NPR3: variants seen among roughly 807,000 people sequenced by gnomAD.
NPR3 encodes the protein natriuretic peptide receptor 3.
NPR3 carries 34 observed loss-of-function variants against 54.5 expected under a neutral mutation model. That is an observed-to-expected ratio of 0.62 (90% CI 0.47 to 0.83). The LOEUF (loss-of-function observed/expected upper bound fraction) is 0.83, where lower values mean the gene tolerates loss of function less well. Among genes scored for constraint, NPR3 ranks in the 40% least tolerant of loss-of-function variants. NPR3 has a pLI of 0.00. For synonymous variants in NPR3, 289 were observed against 297.1 expected (o/e 0.97, Z 0.28); for missense variants, 674 against 720.8 (o/e 0.94, Z 0.74).
At chr5:32,784,986 A>T (rs184352288) in intron 7 of NPR3, 103 bp downstream of exon 7, 109 of 954,560 alleles carry the variant, frequency 1.1e-4, no homozygotes, top group Non-Finnish European at 1.6e-4. Flanking sequence ...TCTTTCACCC[A>T]GGAAGCACGG....
rs775757267 is a variant in NPR3 at position 32,782,976 on chromosome 5, A to G, written c.1374A>G (p.Arg458=). 5 of 1,608,716 alleles carry G rather than the reference A, an allele frequency of 3.1e-6. No individual in the cohort carries two copies. The South Asian group carries it at 4.4e-5, about 14-fold the overall frequency. The change falls in exon 6 of 8, where the codon AGA becomes AGG. Residue 458 remains arginine, a synonymous_variant. Transcript: ENST00000265074. ...ATCCTTGGGGCCCTTTAAAACTGAG[A>G]ATAGATGAAAACCGAATTGTAGAGC... ...VKYPWGPLKL[R]IDENRIVEHT...
upstream of NPR3, among the ~76,000 whole-genome samples, chr5:32,707,443 T>C (rs1738025580): frequency 6.6e-6 from 1 of 152,190 alleles, no homozygotes; most frequent in African/African-American, 2.4e-5. Flanking sequence ...TTTTTTGGCA[T>C]CCATTGATTT....
rs1229346038 is a variant in NPR3 at position 32,697,743 on chromosome 5, A to G, written c.100+8557A>G. Reference sequence around the variant, plus strand: ...GTAGATTGTATGTGTCTAGGAATTTATCCATTTCTTCTAGATTTTCCAATT... The same window carrying G: ...GTAGATTGTATGTGTCTAGGAATTTGTCCATTTCTTCTAGATTTTCCAATT... On this transcript the variant is annotated intron_variant, in intron 1 of 5. Coordinates refer to the NPR3 transcript ENST00000509104. 2.6e-5 allele frequency among the ~76,000 whole-genome samples: 4 copies of G among 152,050 alleles called. No individual in the cohort carries two copies. The East Asian group carries it at 7.7e-4, about 29-fold the overall frequency.
chr5:32,785,138 ATTTTTTTTTTTTTTT>A (rs11427729), intron 7 of NPR3, among the ~76,000 whole-genome samples: 6 of 90,900 alleles, frequency 6.6e-5, no homozygotes, highest in South Asian at 4.1e-4. Flanking sequence ...TTGATCACAG[ATTTTTTTTTTTTTTT>A]TTTTTTTTTT....
chr5:32,711,780 C>A lies in NPR3; in HGVS notation c.4C>A (p.Pro2Thr), dbSNP rs1354447417. 1 of 1,420,668 alleles carries A rather than the reference C, an allele frequency of 7.0e-7. No homozygotes were observed. Among genetic ancestry groups the A allele is most frequent in the Non-Finnish European group, 9.2e-7 (1 of 1,086,642 alleles). The allele number at this position is 1,420,668 out of a possible 1,614,324, so 88.0% of individuals were successfully genotyped here. A position where few individuals can be genotyped will look rare whatever the true frequency, so the allele number is the denominator to read the frequency against. Reference sequence around the variant, plus strand: ...GCAAGCTCTTTCTTGCGGCACGATGCCGTCTCTGCTGGTGCTCACTTTCTC... The same window carrying A: ...GCAAGCTCTTTCTTGCGGCACGATGACGTCTCTGCTGGTGCTCACTTTCTC... Reference protein sequence around the residue: MPSLLVLTFSPC... With the variant: MTSLLVLTFSPC... The change falls in exon 1 of 8, where the codon CCG (proline) becomes ACG (threonine). Residue 2 changes from proline (P) to threonine (T), a missense_variant. Physicochemically the swap from Pro to Thr is conservative, Grantham distance 38. Coordinates refer to ENST00000265074, the MANE Select transcript of NPR3 (RefSeq NM_001204375.2).
intron 3 of NPR3, among the ~76,000 whole-genome samples, chr5:32,766,233 GCAGGAAGGGGACC>G: frequency 6.6e-6 from 1 of 152,334 alleles, no homozygotes; most frequent in East Asian, 1.9e-4. Context: ...GAGGTCCCTA[GCAGGAAGGGGACC>G]AGCAGCCAAG....
intron 3 of NPR3, among the ~76,000 whole-genome samples, chr5:32,770,038 C>T (rs1197919624): frequency 6.6e-6 from 1 of 152,110 alleles, no homozygotes; most frequent in African/African-American, 2.4e-5. Flanking sequence ...TAAAAAAACA[C>T]TAATAAATCA....
At chr5:32,713,269 C>G (rs911136547) in intron 1 of NPR3, 1 of 985,298 alleles carries the variant, frequency 1.0e-6, no homozygotes, top group Non-Finnish European at 1.2e-6. Context: ...TTTGAAGAAA[C>G]GAGCGCTGAA....
chr5:32,720,596 A>G (rs933871070), intron 1 of NPR3, among the ~76,000 whole-genome samples: 13 of 152,250 alleles, frequency 8.5e-5, no homozygotes, highest in Non-Finnish European at 1.3e-4. Context: ...GAGGAAATAG[A>G]GTAGAATGAA....
intron 3 of NPR3, among the ~76,000 whole-genome samples, chr5:32,744,757 A>C (rs1740209461): frequency 6.6e-6 from 1 of 152,154 alleles, no homozygotes; most frequent in East Asian, 1.9e-4. Context: ...GTCTTTCCTG[A>C]CACCCCAGAC....
chr5:32,745,917 C>A (rs1740271549), intron 3 of NPR3, among the ~76,000 whole-genome samples: 1 of 152,064 alleles, frequency 6.6e-6, no homozygotes, highest in Admixed American at 6.5e-5. Flanking sequence ...ATGAGTGGTC[C>A]CATTTGGGGT....
chr5:32,718,269 A>T (rs1374962096), intron 1 of NPR3, among the ~76,000 whole-genome samples: 2 of 152,246 alleles, frequency 1.3e-5, no homozygotes, highest in African/African-American at 4.8e-5. Flanking sequence ...GAAGTCAGGT[A>T]GCATGATGCC....
intron 4 of NPR3, among the ~76,000 whole-genome samples, chr5:32,777,496 A>C (rs778501613): frequency 2.6e-5 from 4 of 152,158 alleles, no homozygotes; most frequent in African/African-American, 4.8e-5. Flanking sequence ...GCCTATATCT[A>C]TTTGTAATCC....
intron 3 of NPR3, among the ~76,000 whole-genome samples, chr5:32,741,455 T>C (rs1409505774): frequency 6.6e-6 from 1 of 152,192 alleles, no homozygotes; most frequent in Non-Finnish European, 1.5e-5. Context: ...GGGTAATTCT[T>C]CTTGATTATC....
At chr5:32,700,778 T>C (rs184376293) in intron 1 of NPR3, among the ~76,000 whole-genome samples, 2 of 152,352 alleles carry the variant, frequency 1.3e-5, no homozygotes, top group Non-Finnish European at 2.9e-5. Flanking sequence ...TGCCACATTT[T>C]AATAATCCAG....
At chr5:32,764,472 A>G (rs1012119450) in intron 3 of NPR3, among the ~76,000 whole-genome samples, 1 of 152,026 alleles carries the variant, frequency 6.6e-6, no homozygotes, top group East Asian at 1.9e-4. Flanking sequence ...GTCAATTTCT[A>G]GTGCTTTCAA....
rs1204080440 is a variant in NPR3, at chr5:32,787,184, T to TA, written c.*845dup. 3.3e-5 allele frequency: 5 copies of TA among 152,644 alleles called. No individual in the cohort carries two copies. The highest frequency in any genetic ancestry group is 1.2e-4 in the African/African-American group (5 of 41,452). 9.5% of individuals were successfully genotyped at this position (152,644 alleles called of 1,614,324 possible). ...GAAGTGTACAACAAACCAATAATGA[T>TA]AAAAAATACTTCTCTTTTTCTCCCT... On this transcript the variant is annotated 3_prime_UTR_variant, in exon 8 of 8. Transcript: ENST00000265074.
intron 3 of NPR3, among the ~76,000 whole-genome samples, chr5:32,739,286 A>G (rs1013943188): frequency 1.3e-5 from 2 of 151,808 alleles, no homozygotes; most frequent in African/African-American, 4.8e-5. Context: ...TGCAGGAAGG[A>G]CAGACAATTG....
In NPR3 at chr5:32,703,727, A is replaced by G. The variant is rs559386373; in HGVS notation, c.100+14541A>G. 3.3e-5 allele frequency among the ~76,000 whole-genome samples: 5 copies of G among 152,328 alleles called. No individual in the cohort carries two copies. In the South Asian group the frequency reaches 1.0e-3, roughly 32 times the overall value. ...CTACTGTGGCTGAGCTGGTAGCCAA[A>G]TTGCAAGACAGTCCTCTTTTCTCTT... On this transcript the variant is annotated intron_variant, in intron 1 of 5. Coordinates refer to the NPR3 transcript ENST00000509104.
Sources: gnomAD v4.1 joint callset for allele counts (sites outside exome capture counted in the v4.1 genomes callset) on GRCh38, gnomAD v4.1.1 for gene constraint, MANE v1.5 for transcripts, NCBI Gene and HGNC (gene_info 2026-07-23, HGNC 2026-07-21) for gene names.